Variants in SOX6 observed in about 807,000 individuals in gnomAD.
SOX6 encodes SRY-box transcription factor 6, also known as transcription factor SOX-6.
SOX6 carries 11 observed loss-of-function variants against 97.8 expected under a neutral mutation model. The observed-to-expected ratio is 0.11, with a 90% CI of 0.07 to 0.19. The LOEUF is 0.19. SOX6 is among the 10% of genes least tolerant of loss of function. The pLI, the probability that SOX6 is intolerant of heterozygous loss-of-function variation, is 1.00. For synonymous variants in SOX6, 360 were observed against 371.4 expected, an observed-to-expected ratio of 0.97 and a Z score of 0.35; for missense variants, 810 against 1,039.5, an observed-to-expected ratio of 0.78 and a Z score of 3.04.
At chr11:16,459,559 T>C (rs1859879413) in intron 1 of SOX6, among the ~76,000 whole-genome samples, 2 of 152,078 alleles carry the variant, frequency 1.3e-5, no homozygotes, top group Admixed American at 6.6e-5. Flanking sequence ...ACAGCTATTA[T>C]ACTTGCATTT....
chr11:16,020,624 C>T (rs1476557452), intron 12 of SOX6, among the ~76,000 whole-genome samples: 1 of 152,096 alleles, frequency 6.6e-6, no homozygotes. Flanking sequence ...CTCGTTTCTC[C>T]TTCGCCAAAT....
At chr11:16,441,839 C>T (rs779750287) in intron 1 of SOX6, among the ~76,000 whole-genome samples, 9 of 152,108 alleles carry the variant, frequency 5.9e-5, no homozygotes, top group African/African-American at 2.2e-4. Flanking sequence ...TCCAGAAACA[C>T]GCCGGTATTT....
chr11:16,137,465 G>A (rs1010007141), intron 6 of SOX6, among the ~76,000 whole-genome samples: 1 of 152,102 alleles, frequency 6.6e-6, no homozygotes, highest in African/African-American at 2.4e-5. Flanking sequence ...TAAATAGCAT[G>A]TGGGTTGTAA....
At chr11:16,624,745 A>T (rs143558886) in intron 3 of SOX6, among the ~76,000 whole-genome samples, 2 of 152,314 alleles carry the variant, frequency 1.3e-5, no homozygotes, top group East Asian at 3.9e-4. Context: ...CCCACCAGCA[A>T]TGTATGAGAA....
At chr11:15,980,289 A>G (rs1853619039) in intron 15 of SOX6, among the ~76,000 whole-genome samples, 1 of 152,076 alleles carries the variant, frequency 6.6e-6, no homozygotes, top group African/African-American at 2.4e-5. Context: ...GAAATGTTCC[A>G]CAAAGGAACT....
At chr11:16,635,992 A>C (rs1053396701) in intron 3 of SOX6, among the ~76,000 whole-genome samples, 1 of 152,174 alleles carries the variant, frequency 6.6e-6, no homozygotes, top group African/African-American at 2.4e-5. Context: ...CCTCATGGAG[A>C]GCCTCTGCTA....
chr11:16,429,706 C>A (rs1015783470), intron 1 of SOX6, among the ~76,000 whole-genome samples: 1 of 151,792 alleles, frequency 6.6e-6, no homozygotes, highest in Non-Finnish European at 1.5e-5. Flanking sequence ...GGGAGAGGAT[C>A]AGGAAAAATA....
At chr11:16,092,103 A>G (rs1045008397) in intron 9 of SOX6, among the ~76,000 whole-genome samples, 9 of 152,006 alleles carry the variant, frequency 5.9e-5, no homozygotes, top group African/African-American at 9.7e-5. Flanking sequence ...GGCTGACCCA[A>G]ACATCTTCCT....
intron 12 of SOX6, among the ~76,000 whole-genome samples, chr11:16,044,868 G>T (rs188883801): frequency 6.6e-6 from 1 of 152,210 alleles, no homozygotes; most frequent in Admixed American, 6.5e-5. Context: ...TGGTTCCATT[G>T]AAACAATTTT....
intron 3 of SOX6, among the ~76,000 whole-genome samples, chr11:16,302,738 T>C (rs936375002): frequency 1.3e-5 from 2 of 151,722 alleles, no homozygotes; most frequent in Non-Finnish European, 2.9e-5. Context: ...CCCAACTAAT[T>C]TTTCTATATT....
At chr11:16,212,639 A>G (rs573254011) in intron 4 of SOX6, among the ~76,000 whole-genome samples, 17 of 152,332 alleles carry the variant, frequency 1.1e-4, no homozygotes, top group Middle Eastern at 3.4e-3. Flanking sequence ...GAGTATGTGC[A>G]TCTTCAACTT....
chr11:16,407,215 G>A (rs1858704865), intron 1 of SOX6, among the ~76,000 whole-genome samples: 2 of 152,078 alleles, frequency 1.3e-5, no homozygotes, highest in Non-Finnish European at 2.9e-5. Context: ...CCAGAAAACA[G>A]TATTTCACAC....
At chr11:16,437,472 C>G (rs984175803) in intron 1 of SOX6, among the ~76,000 whole-genome samples, 1 of 152,154 alleles carries the variant, frequency 6.6e-6, no homozygotes, top group Admixed American at 6.5e-5. Context: ...TTATATATTG[C>G]AAGTTCTCAA....
At chr11:16,518,978 A>T (rs558884592) in intron 4 of SOX6, among the ~76,000 whole-genome samples, 1 of 152,150 alleles carries the variant, frequency 6.6e-6, no homozygotes, top group African/African-American at 2.4e-5. Context: ...CAAAGTATAT[A>T]CTATTCATAT....
At chr11:16,105,459 T>C (rs1234959710) in intron 7 of SOX6, among the ~76,000 whole-genome samples, 2 of 152,056 alleles carry the variant, frequency 1.3e-5, no homozygotes, top group African/African-American at 4.8e-5. Context: ...TCCCAGCTAC[T>C]TGGGAGGCTG....
In SOX6 at chr11:16,317,788, T is replaced by C. The variant is rs549304324; in HGVS notation, c.445+658A>G. On this transcript the variant is annotated intron_variant, in intron 3 of 15. Transcript: ENST00000683767. The stretch of plus-strand genomic sequence containing the variant: ...GTACATAAAAACCAAAAGTGCAACA[T>C]AGTATAACCATCACTTAGACTTGAT... 5 of 200,490 alleles carry C rather than the reference T, an allele frequency of 2.5e-5. No homozygotes were observed. The South Asian group carries it at 3.6e-4, about 14-fold the overall frequency. 12.4% of individuals were successfully genotyped at this position (200,490 alleles called of 1,614,324 possible). A position where few individuals can be genotyped will look rare whatever the true frequency, so the allele number is the denominator to read the frequency against.
At chr11:16,220,170 AT>A (rs1852495938) in intron 4 of SOX6, among the ~76,000 whole-genome samples, 1 of 152,212 alleles carries the variant, frequency 6.6e-6, no homozygotes, top group South Asian at 2.1e-4. Context: ...TACACTAAAA[AT>A]ATCCATATTA....
chr11:16,634,656 T>C (rs1410686303), intron 3 of SOX6, among the ~76,000 whole-genome samples: 1 of 152,256 alleles, frequency 6.6e-6, no homozygotes, highest in Non-Finnish European at 1.5e-5. Context: ...CTTACATTTT[T>C]CTAGAAAATT....
intron 6 of SOX6, among the ~76,000 whole-genome samples, chr11:16,136,101 C>T (rs1436236207): frequency 6.6e-6 from 1 of 152,248 alleles, no homozygotes; most frequent in African/African-American, 2.4e-5. Flanking sequence ...TCACTGCAAC[C>T]TTCACCTCCC....
Sources: gnomAD v4.1 joint callset for allele counts (sites outside exome capture counted in the v4.1 genomes callset) on GRCh38, gnomAD v4.1.1 for gene constraint, MANE v1.5 for transcripts, NCBI Gene and HGNC (gene_info 2026-07-23, HGNC 2026-07-21) for gene names.